ULK4: variants seen among roughly 807,000 people sequenced by gnomAD.
ULK4 encodes unc-51 like kinase 4.
In ULK4, 133 loss-of-function variants were observed where a neutral mutation model predicts 160.6. The ratio of observed to expected loss-of-function variants is 0.83; its 90% CI spans 0.72 to 0.96. The LOEUF (loss-of-function observed/expected upper bound fraction) is 0.96. Ranked by LOEUF, ULK4 falls within the 40% of genes least tolerant of loss-of-function variation. The pLI is 0.00. For missense variants in ULK4, 1,580 were observed against 1,499.5 expected, an observed-to-expected ratio of 1.05 and a Z score of -0.89; for synonymous variants, 534 against 539.8, an observed-to-expected ratio of 0.99 and a Z score of 0.15.
Position 41,900,856 on chromosome 3 carries a change from T to C in ULK4, c.1183-27A>G, listed in dbSNP as rs148609982. 12,882 of 1,554,616 alleles carry C rather than the reference T, an allele frequency of 8.3e-3. 76 individuals are homozygous for C. The highest frequency in any genetic ancestry group is 9.3e-3 in the Non-Finnish European group (10,451 of 1,128,136). On this transcript the variant is annotated intron_variant, in intron 12 of 36. Coordinates refer to ENST00000301831, the MANE Select transcript of ULK4 (RefSeq NM_017886.4). Reference sequence around the variant, plus strand: ...TGAAATGAGAACAAAAATTAGACTTTGTTTCTGCGACTAATGTAGATCTTT... The same window carrying C: ...TGAAATGAGAACAAAAATTAGACTTCGTTTCTGCGACTAATGTAGATCTTT...
chr3:41,816,383 G>T (rs1443393970), intron 19 of ULK4, among the ~76,000 whole-genome samples: 2 of 152,130 alleles, frequency 1.3e-5, no homozygotes, highest in Non-Finnish European at 2.9e-5. Flanking sequence ...AGAGGATTCA[G>T]AGTTCCTACG....
chr3:41,870,713 A>G (rs1221697128), intron 17 of ULK4, among the ~76,000 whole-genome samples: 2 of 151,784 alleles, frequency 1.3e-5, no homozygotes, highest in African/African-American at 4.8e-5. Context: ...TCACACAACT[A>G]CCACTGCAAT....
chr3:41,592,577 T>A (rs955007490), intron 31 of ULK4, among the ~76,000 whole-genome samples: 4 of 152,142 alleles, frequency 2.6e-5, no homozygotes, highest in East Asian at 1.9e-4. Flanking sequence ...AAAATTTTTT[T>A]AAATAACAAT....
chr3:41,865,838 T>A (rs890646819), intron 17 of ULK4, among the ~76,000 whole-genome samples: 2 of 152,124 alleles, frequency 1.3e-5, no homozygotes, highest in African/African-American at 4.8e-5. Flanking sequence ...ACAAAAATTT[T>A]AGAAACACAC....
At chr3:41,490,873 A>C (rs1495696) in intron 32 of ULK4, among the ~76,000 whole-genome samples, 62,409 of 151,982 alleles carry the variant, frequency 0.41, 12,993 homozygotes, top group African/African-American at 0.44. Context: ...ATCATTATAC[A>C]CAGAAACGCT....
intron 32 of ULK4, among the ~76,000 whole-genome samples, chr3:41,490,049 C>T (rs1795317): frequency 0.86 from 130,532 of 152,142 alleles, 56,918 homozygotes; most frequent in Non-Finnish European, 0.94. Context: ...ACTCAACCCA[C>T]AGCTGTTACT....
chr3:41,776,340 G>C (rs1345029344), intron 21 of ULK4, among the ~76,000 whole-genome samples: 4 of 149,530 alleles, frequency 2.7e-5, no homozygotes, highest in Non-Finnish European at 5.9e-5. Context: ...ATTAAGAAAA[G>C]TTTCCCTACA....
At chr3:41,929,355 G>C (rs1699499046) in intron 5 of ULK4, among the ~76,000 whole-genome samples, 1 of 152,066 alleles carries the variant, frequency 6.6e-6, no homozygotes, top group East Asian at 1.9e-4. Flanking sequence ...AATAATAAGA[G>C]CTATTTATGA....
At chr3:41,647,744 T>G (rs6807898) in intron 30 of ULK4, among the ~76,000 whole-genome samples, 65,453 of 152,140 alleles carry the variant, frequency 0.43, 17,295 homozygotes, top group African/African-American at 0.75. Flanking sequence ...CAGGGACATT[T>G]AAGTCTGCAG....
chr3:41,809,055 A>C (rs1391772868), intron 19 of ULK4, among the ~76,000 whole-genome samples: 1 of 151,806 alleles, frequency 6.6e-6, no homozygotes, highest in African/African-American at 2.4e-5. Flanking sequence ...AATCTCAGCT[A>C]CTCAGGATGC....
rs1019546041 is a variant in ULK4, at chr3:41,867,382, G to A, written c.1656+16492C>T. 2.0e-5 allele frequency among the ~76,000 whole-genome samples: 3 copies of A among 152,124 alleles called. No individual in the cohort carries two copies. In the South Asian group the frequency reaches 6.2e-4, roughly 32 times the overall value. On this transcript the variant is annotated intron_variant, in intron 17 of 36. Transcript: ENST00000301831. Reference sequence around the variant, plus strand: ...GGAGGTGGGGTCTGACAATCTGTGTGTTTTGTTGTTTTGGGGGGGCAAGGT... The same window carrying A: ...GGAGGTGGGGTCTGACAATCTGTGTATTTTGTTGTTTTGGGGGGGCAAGGT...
chr3:41,837,479 G>C (rs773299286), intron 17 of ULK4, among the ~76,000 whole-genome samples: 11 of 151,702 alleles, frequency 7.3e-5, no homozygotes, highest in Non-Finnish European at 1.2e-4. Flanking sequence ...TACTATATTA[G>C]ATCATACACT....
intron 17 of ULK4, among the ~76,000 whole-genome samples, chr3:41,839,527 C>T (rs946296378): frequency 7.3e-5 from 11 of 150,640 alleles, no homozygotes; most frequent in African/African-American, 2.4e-4. Flanking sequence ...AATGAGCAGA[C>T]ATCAAAATAA....
chr3:41,488,944 G>A lies in ULK4; in HGVS notation c.3227-25691C>T, dbSNP rs368277808. Among the ~76,000 whole-genome samples the A allele has an allele frequency of 6.6e-5, 10 of 152,152 alleles. No individual in the cohort carries two copies. The South Asian group carries it at 1.0e-3, about 16-fold the overall frequency. Reference sequence around the variant, plus strand: ...TCCAGCCATCCTTCCTGCAGGTCTCGGAGTAAGAGAAACTCCTTCCTTCTC... The same window carrying A: ...TCCAGCCATCCTTCCTGCAGGTCTCAGAGTAAGAGAAACTCCTTCCTTCTC... On this transcript the variant is annotated intron_variant, in intron 32 of 36. Transcript: ENST00000301831.
intron 32 of ULK4, among the ~76,000 whole-genome samples, chr3:41,539,781 G>A (rs941715883): frequency 2.0e-5 from 3 of 151,964 alleles, no homozygotes; most frequent in Admixed American, 6.6e-5. Flanking sequence ...CCTCTCAACT[G>A]CTTAAGCTCC....
chr3:41,822,790 T>C (rs139008295), intron 18 of ULK4, among the ~76,000 whole-genome samples: 35,137 of 144,616 alleles, frequency 0.24, 5,212 homozygotes, highest in African/African-American at 0.43. Flanking sequence ...GGCAACATCT[T>C]GGCTCACTGC....
intron 5 of ULK4, among the ~76,000 whole-genome samples, chr3:41,925,434 T>G (rs1178641617): frequency 6.6e-6 from 1 of 152,182 alleles, no homozygotes; most frequent in Non-Finnish European, 1.5e-5. Flanking sequence ...CTCTGGTGCC[T>G]ACGCCACCAG....
intron 35 of ULK4, among the ~76,000 whole-genome samples, chr3:41,325,767 A>C (rs969866581): frequency 6.6e-6 from 1 of 151,886 alleles, no homozygotes; most frequent in Non-Finnish European, 1.5e-5. Flanking sequence ...AATACAAAAA[A>C]TATCAGCCAG....
At chr3:41,652,721 A>G (rs1353880270) in intron 30 of ULK4, among the ~76,000 whole-genome samples, 1 of 152,224 alleles carries the variant, frequency 6.6e-6, no homozygotes, top group Admixed American at 6.5e-5. Context: ...TTTTATCCAC[A>G]TGACACTGAG....
Sources: gnomAD v4.1 joint callset for allele counts (sites outside exome capture counted in the v4.1 genomes callset) on GRCh38, gnomAD v4.1.1 for gene constraint, MANE v1.5 for transcripts, NCBI Gene and HGNC (gene_info 2026-07-23, HGNC 2026-07-21) for gene names.